CACNA2D3: variants seen among roughly 807,000 people sequenced by gnomAD.
CACNA2D3 encodes the protein voltage-dependent calcium channel subunit alpha-2/delta-3.
In CACNA2D3, 60 loss-of-function variants were observed where a neutral mutation model predicts 160.6. That is an observed-to-expected ratio of 0.37 (90% CI 0.30 to 0.46). CACNA2D3 has a LOEUF of 0.46. Ranked by LOEUF, CACNA2D3 falls within the 20% of genes least tolerant of loss-of-function variation. CACNA2D3 has a pLI of 1.00. For synonymous variants in CACNA2D3, 558 were observed against 492.9 expected (o/e 1.13, Z -1.75); for missense variants, 1,205 against 1,365.0 (o/e 0.88, Z 1.85).
intron 13 of CACNA2D3, among the ~76,000 whole-genome samples, chr3:54,770,459 C>T (rs1271942399): frequency 6.6e-6 from 1 of 152,206 alleles, no homozygotes; most frequent in Non-Finnish European, 1.5e-5. Flanking sequence ...TTTATTTTCA[C>T]ATTGAAAATC....
rs577216980 is a variant in CACNA2D3 at position 54,916,172 on chromosome 3, G to C, written c.2449+16304G>C. 1.1e-4 allele frequency among the ~76,000 whole-genome samples: 16 copies of C among 152,288 alleles called. No individual in the cohort carries two copies. In the East Asian group the frequency reaches 2.7e-3, roughly 26 times the overall value. ...AAGTGGCTCATGGGGTGGGTGTCAG[G>C]ATTACACAAGAACGCCTTGCACTGT... On this transcript the variant is annotated intron_variant, in intron 27 of 37. Transcript: ENST00000474759.
At chr3:54,277,014 C>G (rs1354458714) in intron 2 of CACNA2D3, among the ~76,000 whole-genome samples, 4 of 152,192 alleles carry the variant, frequency 2.6e-5, no homozygotes, top group Non-Finnish European at 5.9e-5. Flanking sequence ...CAGGGCCTGT[C>G]CTTTTTCAGA....
At chr3:54,329,371 G>T (rs1041346865) in intron 3 of CACNA2D3, among the ~76,000 whole-genome samples, 5 of 152,144 alleles carry the variant, frequency 3.3e-5, no homozygotes, top group African/African-American at 1.2e-4. Flanking sequence ...CTTAAAGTGA[G>T]GGTGATATGG....
chr3:54,924,714 G>A (rs753911246), intron 27 of CACNA2D3: 5 of 1,613,998 alleles, frequency 3.1e-6, no homozygotes, highest in Non-Finnish European at 4.2e-6. Flanking sequence ...CCTCACACTG[G>A]GCATGGATTC....
intron 9 of CACNA2D3, among the ~76,000 whole-genome samples, chr3:54,611,923 A>G (rs924955479): frequency 6.6e-6 from 1 of 152,256 alleles, no homozygotes; most frequent in Admixed American, 6.5e-5. Context: ...GAAAAGGATC[A>G]TGCATCATAT....
intron 17 of CACNA2D3, among the ~76,000 whole-genome samples, chr3:54,864,940 C>T (rs1008539354): frequency 3.3e-5 from 5 of 152,228 alleles, no homozygotes; most frequent in African/African-American, 1.2e-4. Context: ...AGTTATCCCT[C>T]ACCTGGAGTT....
intron 9 of CACNA2D3, among the ~76,000 whole-genome samples, chr3:54,586,031 G>A (rs888367812): frequency 1.1e-4 from 16 of 152,086 alleles, no homozygotes; most frequent in Non-Finnish European, 2.1e-4. Flanking sequence ...TTGGGAGGCC[G>A]AGGCAGGCAG....
intron 2 of CACNA2D3, among the ~76,000 whole-genome samples, chr3:54,289,728 G>A (rs1035261388): frequency 6.6e-6 from 1 of 152,124 alleles, no homozygotes; most frequent in Non-Finnish European, 1.5e-5. Flanking sequence ...CAATGGAACA[G>A]AACAGAGCCC....
At chr3:54,808,931 C>G (rs780647727) in intron 13 of CACNA2D3, among the ~76,000 whole-genome samples, 1 of 152,044 alleles carries the variant, frequency 6.6e-6, no homozygotes, top group African/African-American at 2.4e-5. Flanking sequence ...CTGGAGGTTA[C>G]GAAATCAAAG....
intron 5 of CACNA2D3, 120 bp downstream of exon 5, chr3:54,503,774 T>A (rs756463801): frequency 1.2e-4 from 94 of 807,508 alleles, no homozygotes; most frequent in Non-Finnish European, 1.7e-4. Flanking sequence ...AGCACAGTTA[T>A]AAGCTGAGTG....
chr3:54,914,803 G>T (rs1481842529), intron 27 of CACNA2D3, among the ~76,000 whole-genome samples: 2 of 152,158 alleles, frequency 1.3e-5, no homozygotes, highest in Non-Finnish European at 2.9e-5. Context: ...ATATAATTTT[G>T]TGTGGGTTTC....
Position 54,536,235 on chromosome 3 carries a change from G to A in CACNA2D3, c.545-26565G>A, listed in dbSNP as rs534260129. Reference sequence around the variant, plus strand: ...TACACGAAACAGGTCATTATATGTAGGGGGTGATAAAATAGACTGGCATTT... The same window carrying A: ...TACACGAAACAGGTCATTATATGTAAGGGGTGATAAAATAGACTGGCATTT... On this transcript the variant is annotated intron_variant, in intron 5 of 37. Coordinates refer to ENST00000474759, the MANE Select transcript of CACNA2D3 (RefSeq NM_018398.3). 6.6e-5 allele frequency among the ~76,000 whole-genome samples: 10 copies of A among 152,312 alleles called. No individual in the cohort carries two copies. The East Asian group carries it at 1.4e-3, about 21-fold the overall frequency.
At chr3:54,160,097 G>A (rs1416121208) in intron 2 of CACNA2D3, among the ~76,000 whole-genome samples, 2 of 152,208 alleles carry the variant, frequency 1.3e-5, no homozygotes, top group Non-Finnish European at 2.9e-5. Context: ...AGAATAGGAA[G>A]ATGATTCATT....
intron 5 of CACNA2D3, among the ~76,000 whole-genome samples, chr3:54,560,586 C>A (rs1702308752): frequency 6.6e-6 from 1 of 152,168 alleles, no homozygotes; most frequent in Non-Finnish European, 1.5e-5. Context: ...TTAATTAGAT[C>A]CCATTTGTCA....
chr3:54,738,527 A>G (rs1701577063), intron 11 of CACNA2D3, among the ~76,000 whole-genome samples: 1 of 152,210 alleles, frequency 6.6e-6, no homozygotes, highest in Non-Finnish European at 1.5e-5. Context: ...AAACAAGCAA[A>G]TAAACAAAAC....
Position 54,763,756 on chromosome 3 carries a change from TAC to T in CACNA2D3, c.1247-458_1247-457del, listed in dbSNP as rs376582166. On this transcript the variant is annotated intron_variant, in intron 12 of 37. Transcript: ENST00000474759. The stretch of plus-strand genomic sequence containing the variant: ...ATATGTGTATATATGTGCATATATA[TAC>T]ACATATATATGTATATATGTACATA... Among the ~76,000 whole-genome samples, 208 of 56,004 alleles carry T rather than the reference TAC, an allele frequency of 3.7e-3. 6 individuals are homozygous for T. The highest frequency in any genetic ancestry group is 0.025 in the East Asian group (20 of 804). The allele number at this position is 56,004 out of a possible 152,430, so 36.7% of individuals were successfully genotyped here. A position where few individuals can be genotyped will look rare whatever the true frequency, so the allele number is the denominator to read the frequency against.
intron 11 of CACNA2D3, among the ~76,000 whole-genome samples, chr3:54,712,314 C>T (rs1348326320): frequency 6.6e-6 from 1 of 152,168 alleles, no homozygotes; most frequent in Non-Finnish European, 1.5e-5. Flanking sequence ...GTCAGCTGAA[C>T]TGTATTCCTT....
chr3:55,022,710 C>CT (rs201960969), intron 35 of CACNA2D3, among the ~76,000 whole-genome samples: 2,193 of 135,670 alleles, frequency 0.016, 27 homozygotes, highest in East Asian at 0.046. Context: ...TTTTCTATTC[C>CT]TTTTTTTTTT....
At chr3:54,273,366 G>GTGTC (rs1440515176) in intron 2 of CACNA2D3, among the ~76,000 whole-genome samples, 1 of 152,150 alleles carries the variant, frequency 6.6e-6, no homozygotes, top group Non-Finnish European at 1.5e-5. Flanking sequence ...CTCTTTGTCT[G>GTGTC]TGTCTGTCTG....
Sources: gnomAD v4.1 joint callset for allele counts (sites outside exome capture counted in the v4.1 genomes callset) on GRCh38, gnomAD v4.1.1 for gene constraint, MANE v1.5 for transcripts, NCBI Gene and HGNC (gene_info 2026-07-23, HGNC 2026-07-21) for gene names.